The following ZNF131 variants were observed in gnomAD, a reference collection of about 807,000 sequenced individuals.
ZNF131 encodes the protein zinc finger protein 131.
ZNF131 carries 7 observed loss-of-function variants against 60.0 expected under a neutral mutation model. The ratio of observed to expected loss-of-function variants is 0.12; its 90% confidence interval spans 0.07 to 0.22. ZNF131 has a LOEUF of 0.22. Ranked by LOEUF, ZNF131 falls within the 10% of genes least tolerant of loss-of-function variation. ZNF131 has a pLI of 1.00. For missense variants in ZNF131, 493 were observed against 740.9 expected (o/e 0.67, Z 3.88); for synonymous variants, 257 against 253.2 (o/e 1.01, Z -0.14).
chr5:43,161,206 ATCT>A (rs746869648), intron 4 of ZNF131, 40 bp from the exon 5 acceptor site: 7 of 1,512,528 alleles, frequency 4.6e-6, no homozygotes, highest in Non-Finnish European at 6.2e-6. Context: ...GCCTGGTAGG[ATCT>A]TCTTATAGAT....
chr5:43,151,973 G>A (rs1461796882), intron 4 of ZNF131, among the ~76,000 whole-genome samples: 1 of 149,268 alleles, frequency 6.7e-6, no homozygotes, highest in Admixed American at 6.8e-5. Context: ...AGAGACTGAG[G>A]ACAGGACAGT....
At chr5:43,130,372 GAAAT>G (rs1745180408) in intron 3 of ZNF131, among the ~76,000 whole-genome samples, 1 of 151,600 alleles carries the variant, frequency 6.6e-6, no homozygotes, top group South Asian at 2.1e-4. Flanking sequence ...GGGAGAGAAA[GAAAT>G]AATGTATACA....
chr5:43,147,394 C>A (rs1487676798), intron 4 of ZNF131, among the ~76,000 whole-genome samples: 1 of 151,008 alleles, frequency 6.6e-6, no homozygotes, highest in Non-Finnish European at 1.5e-5. Context: ...TTTTTTAAAT[C>A]TTTTTTTTAT....
At chr5:43,139,897 A>G (rs1746584402) in intron 4 of ZNF131, among the ~76,000 whole-genome samples, 1 of 152,170 alleles carries the variant, frequency 6.6e-6, no homozygotes, top group South Asian at 2.1e-4. Flanking sequence ...TATTCCTAGT[A>G]TTAAAATTTC....
At chr5:43,165,099 T>C (rs1253571688) in intron 5 of ZNF131, among the ~76,000 whole-genome samples, 4 of 152,186 alleles carry the variant, frequency 2.6e-5, no homozygotes, top group African/African-American at 9.7e-5. Context: ...TACAGATGTG[T>C]GCCACCATGC....
chr5:43,173,161 T>C, intron 5 of ZNF131, 157 bp from the exon 6 acceptor site: 1 of 758,824 alleles, frequency 1.3e-6, no homozygotes, highest in Non-Finnish European at 2.0e-6. Flanking sequence ...TAGAAAAGTC[T>C]TTGGAATATG....
At chr5:43,137,333 T>C (rs545391027) in intron 3 of ZNF131, among the ~76,000 whole-genome samples, 1 of 152,274 alleles carries the variant, frequency 6.6e-6, no homozygotes, top group Non-Finnish European at 1.5e-5. Context: ...CCCAAAAATA[T>C]ATGAGAAACT....
chr5:43,162,254 A>G (rs1298005676), intron 5 of ZNF131, among the ~76,000 whole-genome samples: 1 of 152,186 alleles, frequency 6.6e-6, no homozygotes, highest in Non-Finnish European at 1.5e-5. Context: ...TACCATTTCT[A>G]TTTTTACATT....
chr5:43,133,402 G>A (rs150128393), intron 3 of ZNF131, among the ~76,000 whole-genome samples: 8 of 152,266 alleles, frequency 5.3e-5, no homozygotes, highest in African/African-American at 9.6e-5. Flanking sequence ...GGAGGCGGAC[G>A]TTGCAGTGAG....
Position 43,121,952 on chromosome 5 carries a change from G to C in ZNF131, c.-15-87G>C. 2.9e-6 allele frequency: 4 copies of C among 1,399,610 alleles called. No individual in the cohort carries two copies. In the South Asian group the frequency reaches 4.3e-5, roughly 15 times the overall value. The allele number at this position is 1,399,610 out of a possible 1,614,324, so 86.7% of individuals were successfully genotyped here. A position where few individuals can be genotyped will look rare whatever the true frequency, so the allele number is the denominator to read the frequency against. On this transcript the variant is annotated intron_variant, in intron 1 of 6. Transcript: ENST00000682664. ...CTCCCCCCTTCTTTTCACGTTGCTG[G>C]TTTTTTTTGTTGTTGTTTTATGCTT...
chr5:43,147,270 A>G (rs1410028040), intron 4 of ZNF131, among the ~76,000 whole-genome samples: 3 of 151,968 alleles, frequency 2.0e-5, no homozygotes, highest in Admixed American at 6.6e-5. Context: ...ATGCTACTGT[A>G]TACAAATCTT....
chr5:43,165,011 C>T lies in ZNF131; in HGVS notation c.1054+3080C>T, dbSNP rs1051237830. Among the ~76,000 whole-genome samples, 34 of 152,092 alleles carry T rather than the reference C, an allele frequency of 2.2e-4. 1 individual carries two copies. The highest frequency in any genetic ancestry group is 7.2e-4 in the African/African-American group (30 of 41,394). On this transcript the variant is annotated intron_variant, in intron 5 of 6. Coordinates refer to ENST00000682664, the MANE Select transcript of ZNF131 (RefSeq NM_001330707.2). ...TGTTGCCCAGGCTGGAGTACAGTGG[C>T]GCGATCATGGCTCACTGCAGTCTCG...
chr5:43,172,617 CA>C (rs36072959), intron 5 of ZNF131, among the ~76,000 whole-genome samples: 26,747 of 130,992 alleles, frequency 0.2, 2,663 homozygotes, highest in Middle Eastern at 0.37. Context: ...GTAAGACTCT[CA>C]AAAAAAAAAA....
chr5:43,134,638 G>T (rs895723543), intron 3 of ZNF131, among the ~76,000 whole-genome samples: 3 of 148,102 alleles, frequency 2.0e-5, no homozygotes, highest in Non-Finnish European at 4.5e-5. Context: ...AATAAATTTA[G>T]TAAAGTTGCA....
At chr5:43,165,056 T>C (rs992446277) in intron 5 of ZNF131, among the ~76,000 whole-genome samples, 2 of 152,220 alleles carry the variant, frequency 1.3e-5, no homozygotes, top group African/African-American at 4.8e-5. Context: ...GCTCAAGTGA[T>C]CCTTCTACCT....
chr5:43,139,113 G>T, intron 3 of ZNF131, 52 bp from the exon 4 acceptor site: 7 of 1,382,252 alleles, frequency 5.1e-6, no homozygotes, highest in Non-Finnish European at 5.7e-6. Context: ...ACTAAACATT[G>T]TAAGATTTGA....
chr5:43,134,699 T>TC (rs1292374750), intron 3 of ZNF131, among the ~76,000 whole-genome samples: 4 of 140,576 alleles, frequency 2.8e-5, no homozygotes, highest in South Asian at 2.4e-4. Context: ...TTTTCTTTTT[T>TC]TTTTTTTTTT....
At position 43,146,825 on chromosome 5, in the gene ZNF131, G is replaced by A. The variant is rs1747643639; in HGVS notation, c.371+7516G>A. On this transcript the variant is annotated intron_variant, in intron 4 of 6. Coordinates refer to ENST00000682664, the MANE Select transcript of ZNF131 (RefSeq NM_001330707.2). ...GGAGGCTGAGACAGGAGAATTGCTTGAACCCTGGTGGTAGAGGTTGCAGTG... is the reference window on the plus strand; with the variant it reads ...GGAGGCTGAGACAGGAGAATTGCTTAAACCCTGGTGGTAGAGGTTGCAGTG... Among the ~76,000 whole-genome samples, 3 of 152,102 alleles carry A rather than the reference G, an allele frequency of 2.0e-5. No homozygotes were observed. In the South Asian group the frequency reaches 6.2e-4, roughly 31 times the overall value.
chr5:43,170,659 G>A (rs1366260931), intron 5 of ZNF131, among the ~76,000 whole-genome samples: 1 of 147,628 alleles, frequency 6.8e-6, no homozygotes, highest in Non-Finnish European at 1.5e-5. Context: ...TTGAGACGGA[G>A]TCTCACTCGG....
Sources: allele counts gnomAD v4.1 joint callset (sites outside exome capture counted in the v4.1 genomes callset), GRCh38; gene constraint gnomAD v4.1.1; transcripts MANE v1.5; gene names NCBI Gene and HGNC (gene_info 2026-07-23, HGNC 2026-07-21).